EYA1: variants seen among roughly 807,000 people sequenced by gnomAD.
The protein encoded by EYA1 is EYA transcriptional coactivator and phosphatase 1, also known as protein phosphatase EYA1.
A neutral mutation model predicts 82.0 loss-of-function variants in EYA1; 16 were observed. That is an observed-to-expected ratio of 0.20 (90% confidence interval 0.13 to 0.30). The LOEUF is 0.30. Ranked by LOEUF, EYA1 falls within the 10% of genes least tolerant of loss-of-function variation. EYA1 has a pLI of 1.00. For synonymous variants in EYA1, 261 were observed against 264.4 expected, an observed-to-expected ratio of 0.99 and a Z score of 0.12; for missense variants, 633 against 730.7, an observed-to-expected ratio of 0.87 and a Z score of 1.54.
chr8:71,280,262 A>C (rs540852211), intron 9 of EYA1, among the ~76,000 whole-genome samples: 53 of 152,320 alleles, frequency 3.5e-4, no homozygotes, highest in African/African-American at 1.2e-3. Flanking sequence ...AGAAAAGAAA[A>C]ATTCGAAGAC....
Position 71,227,390 on chromosome 8 carries a change from G to T in EYA1, c.1141-10367C>A, listed in dbSNP as rs182602400. Among the ~76,000 whole-genome samples the T allele has an allele frequency of 9.5e-4, 144 of 152,122 alleles. 2 individuals carry two copies. The highest frequency in any genetic ancestry group is 9.4e-3 in the Admixed American group (143 of 15,290). ...CTACTAAAGAAGAATTTTTCATAGT[G>T]ACAGCAACTCTAGGCTTGCTGTGAA... On this transcript the variant is annotated intron_variant, in intron 12 of 17. Coordinates refer to ENST00000340726, the MANE Select transcript of EYA1 (RefSeq NM_000503.6).
chr8:71,537,826 C>G (rs894022300), intron 1 of EYA1, among the ~76,000 whole-genome samples: 1 of 152,148 alleles, frequency 6.6e-6, no homozygotes, highest in Non-Finnish European at 1.5e-5. Context: ...TAAGAATGGT[C>G]AAGTTACATG....
At chr8:71,383,050 T>C (rs1828794160) in intron 2 of EYA1, among the ~76,000 whole-genome samples, 1 of 152,046 alleles carries the variant, frequency 6.6e-6, no homozygotes, top group African/African-American at 2.4e-5. Context: ...AACAGTTACA[T>C]TACTGTAATG....
At chr8:71,290,638 G>A (rs993353882) in intron 9 of EYA1, among the ~76,000 whole-genome samples, 1 of 152,074 alleles carries the variant, frequency 6.6e-6, no homozygotes, top group African/African-American at 2.4e-5. Context: ...GCACAAAAGG[G>A]CTAAGTGCTT....
intron 2 of EYA1, among the ~76,000 whole-genome samples, chr8:71,498,311 A>G (rs1194366962): frequency 6.6e-6 from 1 of 152,188 alleles, no homozygotes; most frequent in African/African-American, 2.4e-5. Flanking sequence ...TGTACATGAT[A>G]AATACATACA....
chr8:71,361,867 C>G lies in EYA1; in HGVS notation c.-275G>C, dbSNP rs1827417345. 20 of 985,342 alleles carry G rather than the reference C, an allele frequency of 2.0e-5. No individual in the cohort carries two copies. Among genetic ancestry groups the G allele is most frequent in the Non-Finnish European group, 2.4e-5 (20 of 829,976 alleles). The allele number at this position is 985,342 out of a possible 1,614,324, so 61.0% of individuals were successfully genotyped here. On this transcript the variant is annotated 5_prime_UTR_variant, in exon 1 of 18. Coordinates refer to ENST00000340726, the MANE Select transcript of EYA1 (RefSeq NM_000503.6). ...GGCCGCTGCCGCAGGCTCGGGCTGCCGAGCGACTGAGCGAAAACGTGTTCC... is the reference window on the plus strand; with the variant it reads ...GGCCGCTGCCGCAGGCTCGGGCTGCGGAGCGACTGAGCGAAAACGTGTTCC...
chr8:71,406,901 AGGCTCCACCTCTGGG>A (rs2129134421), intron 2 of EYA1, among the ~76,000 whole-genome samples: 1 of 146,078 alleles, frequency 6.8e-6, no homozygotes, highest in East Asian at 2.0e-4. Context: ...CTGCCTCTGT[AGGCTCCACCTCTGGG>A]GGCAGGGCAC....
intron 3 of EYA1, among the ~76,000 whole-genome samples, chr8:71,341,224 G>A (rs968097403): frequency 1.3e-5 from 2 of 152,140 alleles, no homozygotes; most frequent in African/African-American, 4.8e-5. Flanking sequence ...AAAAGTAAAT[G>A]TTGGGTATTG....
chr8:71,284,319 T>C (rs1450166962), intron 9 of EYA1, among the ~76,000 whole-genome samples: 1 of 152,214 alleles, frequency 6.6e-6, no homozygotes, highest in Non-Finnish European at 1.5e-5. Flanking sequence ...AGAAGCTGAA[T>C]CTTGCACATT....
At chr8:71,331,502 T>TATAC (rs901420573) in intron 4 of EYA1, among the ~76,000 whole-genome samples, 3 of 148,330 alleles carry the variant, frequency 2.0e-5, no homozygotes, top group African/African-American at 7.4e-5. Flanking sequence ...TATATATATA[T>TATAC]ACACATATAT....
At position 71,482,155 on chromosome 8, in the gene EYA1, A is replaced by G. The variant is rs143212629; in HGVS notation, c.33+53589T>C. Among the ~76,000 whole-genome samples, 648 of 152,356 alleles carry G rather than the reference A, an allele frequency of 4.3e-3. 2 individuals carry two copies. The highest frequency in any genetic ancestry group is 7.4e-3 in the Non-Finnish European group (505 of 68,032). On this transcript the variant is annotated intron_variant, in intron 2 of 18. Coordinates refer to the EYA1 transcript ENST00000643681. ...TATTCACAAGACATATATCTAACATAGGACTTATATGCAGGATATAAAAAG... is the reference window on the plus strand; with the variant it reads ...TATTCACAAGACATATATCTAACATGGGACTTATATGCAGGATATAAAAAG...
chr8:71,237,876 T>C (rs1009875967), intron 12 of EYA1, among the ~76,000 whole-genome samples: 1 of 152,184 alleles, frequency 6.6e-6, no homozygotes, highest in Non-Finnish European at 1.5e-5. Flanking sequence ...TGAATTTCTA[T>C]AAACTAAATG....
At chr8:71,240,024 A>T (rs1226815820) in intron 12 of EYA1, among the ~76,000 whole-genome samples, 2 of 152,216 alleles carry the variant, frequency 1.3e-5, no homozygotes, top group African/African-American at 4.8e-5. Context: ...AAATAAACAT[A>T]AATAACACAT....
chr8:71,483,408 A>G (rs951662994), intron 2 of EYA1, among the ~76,000 whole-genome samples: 1 of 152,196 alleles, frequency 6.6e-6, no homozygotes, highest in Non-Finnish European at 1.5e-5. Context: ...ACCAATCACA[A>G]TCAGGTTTGC....
Position 71,216,996 on chromosome 8 carries a change from C to T in EYA1, c.1168G>A (p.Val390Ile). Residue 390 changes from valine (V) to isoleucine (I), a missense_variant, in exon 13 of 18, where the codon GTT becomes ATT. Physicochemically the swap from Val to Ile is conservative, Grantham distance 29. Transcript: ENST00000340726. ...EECDQVHIDDVSSDDNGQDLS... is the reference protein window; with the variant it reads ...EECDQVHIDDISSDDNGQDLS... ...TCCTGTCCGTTATCATCTGAAGAAA[C>T]ATCATCTATATGGACTTGGTCACAT... 6.2e-7 allele frequency: 1 copy of T among 1,613,722 alleles called. No homozygotes were observed.
At chr8:71,546,239 A>G (rs1261135765) in intron 1 of EYA1, among the ~76,000 whole-genome samples, 1 of 152,186 alleles carries the variant, frequency 6.6e-6, no homozygotes, top group Non-Finnish European at 1.5e-5. Flanking sequence ...GTCACATTGG[A>G]TCACAATTGT....
Position 71,232,354 on chromosome 8 carries a change from C to G in EYA1, c.1140+12249G>C, listed in dbSNP as rs188175204. 4.5e-3 allele frequency among the ~76,000 whole-genome samples: 682 copies of G among 152,372 alleles called. 18 individuals are homozygous for G. The highest frequency in any genetic ancestry group is 7.5e-4 in the Non-Finnish European group (51 of 68,034). ...CACAGTGACTTCACACCCAGCCAGG[C>G]TCCGCTGCATGCCGTGACACCACCA... is the stretch of plus-strand genomic sequence containing the variant. On this transcript the variant is annotated intron_variant, in intron 12 of 17. Transcript: ENST00000340726.
intron 9 of EYA1, among the ~76,000 whole-genome samples, chr8:71,298,589 G>A (rs1819841819): frequency 6.6e-6 from 1 of 152,122 alleles, no homozygotes; most frequent in South Asian, 2.1e-4. Flanking sequence ...TTCACAGCAG[G>A]CCACATGTGG....
chr8:71,303,333 C>CAT (rs1388170171), intron 7 of EYA1, among the ~76,000 whole-genome samples: 1 of 141,208 alleles, frequency 7.1e-6, no homozygotes, highest in Non-Finnish European at 1.6e-5. Context: ...CACACACACA[C>CAT]ACACATCCAT....
Sources: allele counts gnomAD v4.1 joint callset (sites outside exome capture counted in the v4.1 genomes callset), GRCh38; gene constraint gnomAD v4.1.1; transcripts MANE v1.5; gene names NCBI Gene and HGNC (gene_info 2026-07-23, HGNC 2026-07-21).